The following NEK10 variants were observed in gnomAD, a reference collection of about 807,000 sequenced individuals.
NEK10 encodes NIMA related kinase 10.
Under a neutral mutation model 159.8 loss-of-function variants are expected in NEK10, and 122 were observed. The observed-to-expected ratio is 0.76, with a 90% CI of 0.66 to 0.89. The LOEUF is 0.89. NEK10 is among the 40% of genes least tolerant of loss of function. The pLI is 0.00. For synonymous variants in NEK10, 466 were observed against 457.1 expected (o/e 1.02, Z -0.25); for missense variants, 1,342 against 1,323.1 (o/e 1.01, Z -0.22).
intron 26 of NEK10, among the ~76,000 whole-genome samples, chr3:27,185,585 T>C (rs1270936653): frequency 6.6e-6 from 1 of 152,168 alleles, no homozygotes; most frequent in Non-Finnish European, 1.5e-5. Context: ...TCCCTATGGA[T>C]TTTGCACTTG....
At chr3:27,130,325 T>C (rs1942467815) in intron 32 of NEK10, among the ~76,000 whole-genome samples, 1 of 152,196 alleles carries the variant, frequency 6.6e-6, no homozygotes, top group African/African-American at 2.4e-5. Flanking sequence ...CCAATTCCTG[T>C]TTTTATTTTC....
At chr3:27,227,112 G>C (rs902205930) in intron 23 of NEK10, among the ~76,000 whole-genome samples, 1 of 152,112 alleles carries the variant, frequency 6.6e-6, no homozygotes, top group Admixed American at 6.5e-5. Context: ...TATGTACCAA[G>C]TCCTCTTTTT....
At chr3:27,146,687 T>C (rs1944326889) in intron 30 of NEK10, among the ~76,000 whole-genome samples, 2 of 152,194 alleles carry the variant, frequency 1.3e-5, no homozygotes, top group African/African-American at 2.4e-5. Context: ...AAGGATTTCA[T>C]AGAAGGTTCA....
At chr3:27,277,410 T>C (rs1343551360) in intron 22 of NEK10, among the ~76,000 whole-genome samples, 1 of 152,178 alleles carries the variant, frequency 6.6e-6, no homozygotes, top group Non-Finnish European at 1.5e-5. Flanking sequence ...GGGTCCAGTC[T>C]TTCCCCAGCA....
chr3:27,269,433 C>T (rs1367761874), intron 22 of NEK10, among the ~76,000 whole-genome samples: 2 of 152,208 alleles, frequency 1.3e-5, no homozygotes, highest in African/African-American at 4.8e-5. Flanking sequence ...AACCACCACC[C>T]TGATCAGTAA....
intron 22 of NEK10, among the ~76,000 whole-genome samples, chr3:27,275,852 G>A (rs912802967): frequency 6.6e-6 from 1 of 151,998 alleles, no homozygotes; most frequent in Non-Finnish European, 1.5e-5. Flanking sequence ...GGCAATACAG[G>A]GTAGGTCCAA....
intron 13 of NEK10, among the ~76,000 whole-genome samples, chr3:27,298,664 G>A (rs984314124): frequency 1.3e-4 from 20 of 152,318 alleles, no homozygotes; most frequent in African/African-American, 4.8e-4. Context: ...GAACTCCCTA[G>A]AGGCTTGTTG....
intron 6 of NEK10, 51 bp downstream of exon 6, chr3:27,322,126 T>G: frequency 1.0e-6 from 1 of 972,098 alleles, no homozygotes. Flanking sequence ...ACCAGTCTTT[T>G]ATTACAACTT....
intron 23 of NEK10, among the ~76,000 whole-genome samples, chr3:27,234,210 C>T (rs189384613): frequency 1.6e-3 from 240 of 151,624 alleles, no homozygotes; most frequent in African/African-American, 5.2e-3. Flanking sequence ...AAAACCAGCA[C>T]AAGAATGCTC....
chr3:27,131,583 T>A (rs1355014791), intron 32 of NEK10, among the ~76,000 whole-genome samples: 1 of 152,162 alleles, frequency 6.6e-6, no homozygotes, highest in Admixed American at 6.5e-5. Context: ...TAATAAAATA[T>A]CAGAATATAA....
At chr3:27,321,254 T>C (rs2045608231) in intron 6 of NEK10, among the ~76,000 whole-genome samples, 1 of 152,152 alleles carries the variant, frequency 6.6e-6, no homozygotes, top group South Asian at 2.1e-4. Context: ...GGCCATGAAC[T>C]AGTAGCAATA....
chr3:27,368,025 G>A (rs2049225155), intron 1 of NEK10, among the ~76,000 whole-genome samples: 1 of 152,166 alleles, frequency 6.6e-6, no homozygotes, highest in Non-Finnish European at 1.5e-5. Context: ...GGGCACGGTG[G>A]CTCACGCCTG....
chr3:27,142,754 A>G (rs926580704), intron 30 of NEK10, among the ~76,000 whole-genome samples: 5 of 152,216 alleles, frequency 3.3e-5, no homozygotes, highest in African/African-American at 1.2e-4. Flanking sequence ...GTTTTATTAT[A>G]AGCACATGAA....
chr3:27,332,894 G>A (rs1182710803), intron 5 of NEK10, among the ~76,000 whole-genome samples: 1 of 152,188 alleles, frequency 6.6e-6, no homozygotes, highest in Non-Finnish European at 1.5e-5. Flanking sequence ...GAGAAAAAAA[G>A]ATTGGAAGAC....
intron 23 of NEK10, among the ~76,000 whole-genome samples, chr3:27,203,462 T>A (rs1950219160): frequency 6.6e-6 from 1 of 152,224 alleles, no homozygotes; most frequent in South Asian, 2.1e-4. Flanking sequence ...ATTTTTTAAT[T>A]TAATTAGATT....
At chr3:27,359,827 C>T (rs1436926308) in intron 1 of NEK10, among the ~76,000 whole-genome samples, 1 of 152,204 alleles carries the variant, frequency 6.6e-6, no homozygotes, top group African/African-American at 2.4e-5. Context: ...TTCACCACTT[C>T]AGCAGTTTAT....
chr3:27,194,902 A>G (rs186665708), intron 25 of NEK10, among the ~76,000 whole-genome samples: 1 of 152,228 alleles, frequency 6.6e-6, no homozygotes, highest in Non-Finnish European at 1.5e-5. Context: ...ACCGAGCAGA[A>G]CAAAAAAATA....
At chr3:27,152,187 T>G (rs1220517961) in intron 30 of NEK10, among the ~76,000 whole-genome samples, 3 of 152,140 alleles carry the variant, frequency 2.0e-5, no homozygotes, top group African/African-American at 7.2e-5. Flanking sequence ...CTAGGCACAT[T>G]GTCATCTGTT....
rs1942838761 is a variant in NEK10, at chr3:27,133,472, T to C, written c.2971-1482A>G. On this transcript the variant is annotated intron_variant, in intron 31 of 35. Transcript: ENST00000691995. ...ACAGGAAAATAATTCAATTGAAAAA[T>C]GTTTTTAAAAATATATCTTTGGCTG... Among the ~76,000 whole-genome samples, 4 of 152,092 alleles carry C rather than the reference T, an allele frequency of 2.6e-5. No homozygotes were observed. In the South Asian group the frequency reaches 8.3e-4, roughly 31 times the overall value.
Sources: gnomAD v4.1 joint callset for allele counts (sites outside exome capture counted in the v4.1 genomes callset) on GRCh38, gnomAD v4.1.1 for gene constraint, MANE v1.5 for transcripts, NCBI Gene and HGNC (gene_info 2026-07-23, HGNC 2026-07-21) for gene names.